Variants in TLN2 observed in about 807,000 individuals in gnomAD.
TLN2 encodes talin-2.
A neutral mutation model predicts 294.7 loss-of-function variants in TLN2; 118 were observed. That is an observed-to-expected ratio of 0.40 (90% CI 0.34 to 0.47). The LOEUF (loss-of-function observed/expected upper bound fraction) is 0.47, where lower values mean the gene tolerates loss of function less well. Among genes scored for constraint, TLN2 ranks in the 20% least tolerant of loss-of-function variants. The probability of loss-of-function intolerance (pLI) is 0.84; values close to 1 mark genes in which losing one functional copy is unlikely to be tolerated. For missense variants in TLN2, 3,083 were observed against 3,282.2 expected (o/e 0.94, Z 1.48); for synonymous variants, 1,431 against 1,304.5 (o/e 1.10, Z -2.09).
At position 62,489,873 on chromosome 15, in the gene TLN2, T is replaced by TACCCCATGTTGGAATGGGTCCTCAGC. The variant is rs1387239174; in HGVS notation, c.-238+99189_-238+99214dup. Among the ~76,000 whole-genome samples, 5 of 152,328 alleles carry TACCCCATGTTGGAATGGGTCCTCAGC rather than the reference T, an allele frequency of 3.3e-5. No individual in the cohort carries two copies. The South Asian group carries it at 6.2e-4, about 19-fold the overall frequency. On this transcript the variant is annotated intron_variant, in intron 1 of 58. Transcript: ENST00000636159. ...TGCCCATTGTCAACAGCCATGTGAG[T>TACCCCATGTTGGAATGGGTCCTCAGC]ACCCCATGTTGGAATGGGTCCTCAG... is the stretch of plus-strand genomic sequence containing the variant.
intron 1 of TLN2, among the ~76,000 whole-genome samples, chr15:62,391,072 G>A (rs2032035261): frequency 1.3e-5 from 2 of 152,182 alleles, no homozygotes; most frequent in Admixed American, 1.3e-4. Context: ...TTTGAAAAGC[G>A]GCCCCGCCTG....
At chr15:62,542,596 C>A (rs2041761470) in intron 1 of TLN2, among the ~76,000 whole-genome samples, 1 of 152,136 alleles carries the variant, frequency 6.6e-6, no homozygotes, top group Non-Finnish European at 1.5e-5. Flanking sequence ...AAAAGAAGAC[C>A]TACCCCAGAC....
intron 1 of TLN2, among the ~76,000 whole-genome samples, chr15:62,467,565 G>A (rs184283796): frequency 6.6e-6 from 1 of 152,134 alleles, no homozygotes; most frequent in Non-Finnish European, 1.5e-5. Flanking sequence ...GGTGGTGCAC[G>A]CCTGTAATCC....
chr15:62,619,474 G>A (rs1341164926), intron 3 of TLN2, among the ~76,000 whole-genome samples: 1 of 152,202 alleles, frequency 6.6e-6, no homozygotes, highest in African/African-American at 2.4e-5. Flanking sequence ...AGTTGCACTC[G>A]ATTTTTCATT....
At chr15:62,817,254 C>G (rs2067187182) in intron 52 of TLN2, among the ~76,000 whole-genome samples, 1 of 152,138 alleles carries the variant, frequency 6.6e-6, no homozygotes, top group Non-Finnish European at 1.5e-5. Flanking sequence ...TGGAACTGGT[C>G]TAGGAAGCCA....
At chr15:62,720,109 G>T (rs146578546) in intron 25 of TLN2, among the ~76,000 whole-genome samples, 3 of 152,232 alleles carry the variant, frequency 2.0e-5, no homozygotes, top group Admixed American at 1.3e-4. Flanking sequence ...CATATGTTCC[G>T]TTTTCCTCAG....
At chr15:62,684,764 T>C (rs2057146435) in intron 11 of TLN2, among the ~76,000 whole-genome samples, 1 of 151,798 alleles carries the variant, frequency 6.6e-6, no homozygotes, top group Admixed American at 6.6e-5. Context: ...AAATTATGGC[T>C]TTACCACTCA....
chr15:62,521,658 G>A (rs1259102604), intron 1 of TLN2, among the ~76,000 whole-genome samples: 1 of 152,126 alleles, frequency 6.6e-6, no homozygotes, highest in Non-Finnish European at 1.5e-5. Context: ...CCTTCAGAGA[G>A]AGATGGTAAA....
rs190627036 is a variant in TLN2 at position 62,530,263 on chromosome 15, A to C, written c.-237-59424A>C. On this transcript the variant is annotated intron_variant, in intron 1 of 58. Transcript: ENST00000636159. ...ACATTTTGCATATTTGTGAATTTAT[A>C]TTTAGGAGAAATTCCTAAAAGTAGA... Among the ~76,000 whole-genome samples the C allele has an allele frequency of 8.5e-5, 13 of 152,378 alleles. No homozygotes were observed. In the East Asian group the frequency reaches 2.3e-3, roughly 27 times the overall value.
In TLN2 at chr15:62,822,775, A is replaced by T. The variant is rs191457660; in HGVS notation, c.7002+2165A>T. Among the ~76,000 whole-genome samples, 275 of 152,352 alleles carry T rather than the reference A, an allele frequency of 1.8e-3. 1 individual carries two copies. Among genetic ancestry groups the T allele is most frequent in the African/African-American group, 6.2e-3 (259 of 41,578 alleles). On this transcript the variant is annotated intron_variant, in intron 54 of 58. Transcript: ENST00000636159. The stretch of plus-strand genomic sequence containing the variant: ...GCTAGGACTGTGTAGCACGAAGAAA[A>T]TGCTCATGGTATAACAGAAAGGATG...
At chr15:62,566,641 T>TG (rs1375281933) in intron 1 of TLN2, among the ~76,000 whole-genome samples, 15 of 150,182 alleles carry the variant, frequency 1.0e-4, no homozygotes, top group Middle Eastern at 6.9e-3. Flanking sequence ...TTTTTTTTTT[T>TG]GAGATAGGGC....
chr15:62,538,977 A>G (rs1237266338), intron 1 of TLN2, among the ~76,000 whole-genome samples: 5 of 152,220 alleles, frequency 3.3e-5, no homozygotes, highest in Admixed American at 2.6e-4. Flanking sequence ...ATCTTAAAGT[A>G]TAGTAGCTTA....
chr15:62,667,511 G>C (rs1001645209), intron 9 of TLN2, among the ~76,000 whole-genome samples: 1 of 152,064 alleles, frequency 6.6e-6, no homozygotes, highest in Non-Finnish European at 1.5e-5. Flanking sequence ...TGCTTTGTTT[G>C]TATGTTCATG....
chr15:62,720,436 T>A (rs1683753513), intron 25 of TLN2, among the ~76,000 whole-genome samples: 1 of 152,234 alleles, frequency 6.6e-6, no homozygotes, highest in Non-Finnish European at 1.5e-5. Context: ...CTCTACTTTA[T>A]CAGCACTTTT....
intron 1 of TLN2, among the ~76,000 whole-genome samples, chr15:62,479,171 T>TG (rs1490195239): frequency 6.6e-6 from 1 of 152,156 alleles, no homozygotes; most frequent in African/African-American, 2.4e-5. Flanking sequence ...CTCTGGAGCT[T>TG]GGGGGAGCTG....
intron 13 of TLN2, 99 bp downstream of exon 13, chr15:62,693,040 A>C: frequency 2.0e-6 from 2 of 1,008,330 alleles, no homozygotes; most frequent in Non-Finnish European, 2.9e-6. Context: ...CTCTTAAATA[A>C]TACTTGAGGC....
intron 54 of TLN2, among the ~76,000 whole-genome samples, chr15:62,827,230 C>CCAA (rs2068300913): frequency 6.6e-6 from 1 of 152,068 alleles, no homozygotes; most frequent in African/African-American, 2.4e-5. Flanking sequence ...CTTCCCCTGC[C>CCAA]CAACACTTGC....
chr15:62,840,206 A>T (rs914095750), intron 58 of TLN2, among the ~76,000 whole-genome samples: 1 of 152,152 alleles, frequency 6.6e-6, no homozygotes, highest in African/African-American at 2.4e-5. Flanking sequence ...GTCTACGTGG[A>T]GTGTTTGCAC....
intron 32 of TLN2, among the ~76,000 whole-genome samples, chr15:62,742,024 G>GGTGTGTGTGT (rs1169646907): frequency 4.5e-4 from 37 of 82,266 alleles, no homozygotes; most frequent in African/African-American, 1.5e-3. Flanking sequence ...CTTGTAGTGG[G>GGTGTGTGTGT]GTGTGTGTGT....
Sources: gnomAD v4.1 joint callset for allele counts (sites outside exome capture counted in the v4.1 genomes callset) on GRCh38, gnomAD v4.1.1 for gene constraint, MANE v1.5 for transcripts, NCBI Gene and HGNC (gene_info 2026-07-23, HGNC 2026-07-21) for gene names.